The following FAM210A variants were observed in gnomAD, a reference collection of about 807,000 sequenced individuals.
FAM210A encodes family with sequence similarity 210 member A.
FAM210A carries 13 observed loss-of-function variants against 25.3 expected under a neutral mutation model. The observed-to-expected ratio is 0.51, with a 90% confidence interval of 0.33 to 0.82. FAM210A has a LOEUF of 0.82. Ranked by LOEUF, FAM210A falls within the 40% of genes least tolerant of loss-of-function variation. The pLI, the probability that FAM210A is intolerant of heterozygous loss-of-function variation, is 0.02. For missense variants in FAM210A, 319 were observed against 323.2 expected (o/e 0.99, Z 0.10); for synonymous variants, 125 against 118.7 (o/e 1.05, Z -0.35).
chr18:13,706,354 G>C (rs1352598580), intron 1 of FAM210A, among the ~76,000 whole-genome samples: 1 of 145,060 alleles, frequency 6.9e-6, no homozygotes, highest in Non-Finnish European at 1.5e-5. Flanking sequence ...AATGAAAATG[G>C]GGGGGGGTCG....
rs1268804226 is a variant in FAM210A at position 13,691,638 on chromosome 18, T to C, written c.-28-9533A>G. 2.6e-5 allele frequency among the ~76,000 whole-genome samples: 4 copies of C among 151,616 alleles called. No homozygotes were observed. The East Asian group carries it at 7.7e-4, about 29-fold the overall frequency. ...AAAGAATTTTCAACCCAGAATTTCA[T>C]ATCCAGCCAAACTAAGCTTCATAAG... On this transcript the variant is annotated intron_variant, in intron 1 of 3. Coordinates refer to ENST00000651643, the MANE Select transcript of FAM210A (RefSeq NM_152352.4).
Position 13,681,857 on chromosome 18 carries a change from T to G in FAM210A, c.221A>C (p.His74Pro). Residue 74 changes from histidine (H) to proline (P), a missense_variant, in exon 2 of 4, where the codon CAT (histidine) becomes CCT (proline). Coordinates refer to ENST00000651643, the MANE Select transcript of FAM210A (RefSeq NM_152352.4). ...VAKERRPLDA[H>P]PPQPGVLRHK... is the part of the protein sequence containing the mutation. ...GCGAAGGACTCCTGGTTGGGGTGGA[T>G]GAGCATCCAATGGCCTCCTTTCCTT... 1 of 1,614,216 alleles carries G rather than the reference T, an allele frequency of 6.2e-7. No individual in the cohort carries two copies. Among genetic ancestry groups the G allele is most frequent in the East Asian group, 2.2e-5 (1 of 44,884 alleles).
At chr18:13,716,457 ACATT>A (rs1206615357) in intron 1 of FAM210A, among the ~76,000 whole-genome samples, 2 of 152,168 alleles carry the variant, frequency 1.3e-5, no homozygotes. Flanking sequence ...TTGAGAACTT[ACATT>A]CCATGGTTTG....
chr18:13,696,487 A>G (rs1223861645), intron 1 of FAM210A, among the ~76,000 whole-genome samples: 2 of 152,248 alleles, frequency 1.3e-5, no homozygotes, highest in Non-Finnish European at 2.9e-5. Context: ...ACTTGTATCC[A>G]ATACAGTCAT....
At chr18:13,672,179 G>T (rs1449502046) in intron 2 of FAM210A, among the ~76,000 whole-genome samples, 1 of 151,990 alleles carries the variant, frequency 6.6e-6, no homozygotes, top group Non-Finnish European at 1.5e-5. Context: ...CACATCACAC[G>T]GTATCTTATC....
chr18:13,699,949 TTC>T (rs2043725528), intron 1 of FAM210A, among the ~76,000 whole-genome samples: 1 of 152,264 alleles, frequency 6.6e-6, no homozygotes, highest in East Asian at 1.9e-4. Flanking sequence ...AAAACTCTTT[TTC>T]TCTCTCTACT....
chr18:13,682,512 G>C (rs774354608), intron 1 of FAM210A, among the ~76,000 whole-genome samples: 1 of 152,204 alleles, frequency 6.6e-6, no homozygotes, highest in Admixed American at 6.5e-5. Context: ...AGGGTGCAGT[G>C]ATCTGAGATC....
chr18:13,709,087 T>G (rs185706274), intron 1 of FAM210A, among the ~76,000 whole-genome samples: 2 of 152,372 alleles, frequency 1.3e-5, no homozygotes, highest in African/African-American at 4.8e-5. Flanking sequence ...TGACAATTTC[T>G]GATCAGATTC....
At chr18:13,699,097 G>A (rs777460809) in intron 1 of FAM210A, among the ~76,000 whole-genome samples, 4 of 152,122 alleles carry the variant, frequency 2.6e-5, no homozygotes, top group East Asian at 1.9e-4. Flanking sequence ...GTGAGCCACC[G>A]CCTGGCCTCA....
At chr18:13,714,086 C>T (rs1283311050) in intron 1 of FAM210A, among the ~76,000 whole-genome samples, 1 of 152,182 alleles carries the variant, frequency 6.6e-6, no homozygotes, top group African/African-American at 2.4e-5. Context: ...CACTGACCCC[C>T]TACCAAAGGG....
chr18:13,719,104 CCACA>C (rs1488175019), intron 1 of FAM210A, among the ~76,000 whole-genome samples: 1 of 152,102 alleles, frequency 6.6e-6, no homozygotes, highest in East Asian at 1.9e-4. Flanking sequence ...ATAAAGTGTG[CCACA>C]CAAATAAAAT....
At chr18:13,697,354 G>A (rs1347414063) in intron 1 of FAM210A, among the ~76,000 whole-genome samples, 2 of 151,930 alleles carry the variant, frequency 1.3e-5, no homozygotes, top group Non-Finnish European at 2.9e-5. Flanking sequence ...TTAGAAAATT[G>A]CAAATTAAAA....
intron 2 of FAM210A, among the ~76,000 whole-genome samples, chr18:13,679,325 A>G (rs532430826): frequency 1.3e-5 from 2 of 152,176 alleles, no homozygotes; most frequent in Non-Finnish European, 2.9e-5. Context: ...AAACAAACAA[A>G]CGAACAACAC....
intron 1 of FAM210A, among the ~76,000 whole-genome samples, chr18:13,684,464 G>A (rs2043579737): frequency 6.6e-6 from 1 of 152,034 alleles, no homozygotes. Context: ...AACATTCTTT[G>A]ATTATAAGAG....
intron 1 of FAM210A, among the ~76,000 whole-genome samples, chr18:13,707,201 C>T (rs1374054245): frequency 2.0e-5 from 3 of 152,154 alleles, no homozygotes; most frequent in African/African-American, 2.4e-5. Flanking sequence ...GGCACTAAGG[C>T]CCTAAGTTTT....
intron 1 of FAM210A, among the ~76,000 whole-genome samples, chr18:13,688,275 G>A (rs945162336): frequency 1.3e-5 from 2 of 152,184 alleles, no homozygotes; most frequent in South Asian, 2.1e-4. Context: ...GGTTCTTTCT[G>A]AATGTCTTTT....
At chr18:13,677,409 T>TCGGA (rs982191537) in intron 2 of FAM210A, among the ~76,000 whole-genome samples, 2 of 151,800 alleles carry the variant, frequency 1.3e-5, no homozygotes, top group African/African-American at 4.8e-5. Flanking sequence ...TCTAAGGGGG[T>TCGGA]CCGCGTGAGA....
chr18:13,703,436 TA>T (rs1319210093), intron 1 of FAM210A, among the ~76,000 whole-genome samples: 1 of 152,224 alleles, frequency 6.6e-6, no homozygotes, highest in Admixed American at 6.5e-5. Flanking sequence ...AAATGCACAG[TA>T]AAAGCATTGC....
chr18:13,672,121 A>T (rs1385174759), intron 2 of FAM210A, 148 bp from the exon 3 acceptor site: 1 of 562,966 alleles, frequency 1.8e-6, no homozygotes, highest in Non-Finnish European at 3.1e-6. Flanking sequence ...CCTTCACTCT[A>T]AGAGAACATC....
Sources: gnomAD v4.1 joint callset for allele counts (sites outside exome capture counted in the v4.1 genomes callset) on GRCh38, gnomAD v4.1.1 for gene constraint, MANE v1.5 for transcripts, NCBI Gene and HGNC (gene_info 2026-07-23, HGNC 2026-07-21) for gene names.